Variants in SBSN observed in about 807,000 individuals in gnomAD.
SBSN encodes the protein suprabasin.
In SBSN, 33 loss-of-function variants were observed where a neutral mutation model predicts 42.8. The ratio of observed to expected loss-of-function variants is 0.77; its 90% CI spans 0.58 to 1.03. SBSN has a LOEUF of 1.03. SBSN is among the 50% of genes least tolerant of loss of function. SBSN has a pLI of 0.00. For missense variants in SBSN, 646 were observed against 757.3 expected (o/e 0.85, Z 1.72); for synonymous variants, 276 against 307.0 (o/e 0.90, Z 1.06).
At chr19:35,524,175 G>C (rs192598140) in intron 3 of SBSN, among the ~76,000 whole-genome samples, 7 of 152,186 alleles carry the variant, frequency 4.6e-5, no homozygotes, top group African/African-American at 1.7e-4. Flanking sequence ...GTGAGACTCC[G>C]TCTCAATAAA....
chr19:35,523,905 A>G (rs2071339746), intron 3 of SBSN, among the ~76,000 whole-genome samples: 1 of 152,212 alleles, frequency 6.6e-6, no homozygotes, highest in Non-Finnish European at 1.5e-5. Context: ...GGCTGGGTGC[A>G]GTGGCTTACG....
At chr19:35,526,614 T>A in intron 1 of SBSN, 30 bp downstream of exon 1, 1 of 418,514 alleles carries the variant, frequency 2.4e-6, no homozygotes, top group Non-Finnish European at 4.5e-6. Flanking sequence ...AACCCCCCTG[T>A]CCCCCATCTC....
rs751008648 is a variant in SBSN, at chr19:35,526,605, A to ACC, written c.1638+37_1638+38dup. ...AGGGGTTTAACCTTTCCCTCCCCCAACCCCCCTGTCCCCCATCTCCCCATC... is the reference window on the plus strand; with the variant it reads ...AGGGGTTTAACCTTTCCCTCCCCCAACCCCCCCCTGTCCCCCATCTCCCCATC... On this transcript the variant is annotated intron_variant, in intron 1 of 3. Coordinates refer to ENST00000452271, the MANE Select transcript of SBSN (RefSeq NM_001166034.2). 6.8e-5 allele frequency: 29 copies of ACC among 427,088 alleles called. 1 individual carries two copies. The highest frequency in any genetic ancestry group is 3.1e-4 in the South Asian group (11 of 35,598). 26.5% of individuals were successfully genotyped at this position (427,088 alleles called of 1,614,324 possible). A position where few individuals can be genotyped will look rare whatever the true frequency, so the allele number is the denominator to read the frequency against.
At position 35,527,760 on chromosome 19, in the gene SBSN, G is replaced by A. The variant is rs771055020; in HGVS notation, c.522C>T (p.Val174=). 1.3e-6 allele frequency: 2 copies of A among 1,584,106 alleles called. No individual in the cohort carries two copies. The highest frequency in any genetic ancestry group is 2.2e-5 in the South Asian group (2 of 89,652). Residue 174 remains valine, a synonymous_variant, in exon 1 of 4, where the codon GTC becomes GTT. Transcript: ENST00000452271. ...TTCCGGCCTGCCCTGCAGCATGGTG[G>A]ACTCCCTGGCCAAACCTCCCAGCCT... ...GNEAGRFGQG[V]HHAAGQAGNE...
chr19:35,527,746 C>G lies in SBSN; in HGVS notation c.536G>C (p.Gly179Ala), dbSNP rs146976554. ...CCTCCCAGCCTCATTTCCGGCCTGCCCTGCAGCATGGTGGACTCCCTGGCC... is the reference window on the plus strand; with the variant it reads ...CCTCCCAGCCTCATTTCCGGCCTGCGCTGCAGCATGGTGGACTCCCTGGCC... ...RFGQGVHHAA[G>A]QAGNEAGRFG... The change falls in exon 1 of 4, where the codon GGG becomes GCG. Residue 179 changes from glycine (G) to alanine (A), a missense_variant. This residue lies in a region of SBSN where 220 missense variants were observed against 334.5 expected (regional missense o/e 0.66). Transcript: ENST00000452271. The G allele has an allele frequency of 7.4e-3, 11,397 of 1,539,406 alleles. 168 individuals carry two copies. The highest frequency in any genetic ancestry group is 0.013 in the Middle Eastern group (75 of 5,964).
Position 35,527,999 on chromosome 19 carries a change from C to CT in SBSN, c.282_283insA (p.Asp95ArgfsTer6), listed in dbSNP as rs749969332. The CT allele has an allele frequency of 1.9e-6, 3 of 1,613,922 alleles. No homozygotes were observed. The highest frequency in any genetic ancestry group is 2.5e-6 in the Non-Finnish European group (3 of 1,180,036). On this transcript the variant is annotated frameshift_variant, in exon 1 of 4. Transcript: ENST00000452271. LOFTEE classifies it high-confidence loss of function. ...TGGTTGATCTCATGGGCAACCTTGT[C>CT]CATGCCGTGGTTGAGCCCCTGGACG...
chr19:35,528,030 G>T lies in SBSN; in HGVS notation c.252C>A (p.Asp84Glu). Residue 84 changes from aspartate (D) to glutamate (E), a missense_variant, in exon 1 of 4, where the codon GAC becomes GAA. Around this residue, in one of 3 missense-constraint regions of SBSN, gnomAD observed 190 missense variants for 197.1 expected, o/e 0.96. Transcript: ENST00000452271. ...CGTGGTTGAGCCCCTGGACGCCTTTGTCCAACTCCTTGCCGGTGTGGCTCC... is the reference window on the plus strand; with the variant it reads ...CGTGGTTGAGCCCCTGGACGCCTTTTTCCAACTCCTTGCCGGTGTGGCTCC... ...NMGSHTGKEL[D>E]KGVQGLNHGM... 1 of 1,613,766 alleles carries T rather than the reference G, an allele frequency of 6.2e-7. No individual in the cohort carries two copies. The highest frequency in any genetic ancestry group is 1.1e-5 in the South Asian group (1 of 91,076).
Position 35,526,678 on chromosome 19 carries a change from T to C in SBSN, c.1604A>G (p.Asn535Ser). 2.1e-6 allele frequency: 3 copies of C among 1,451,642 alleles called. No individual in the cohort carries two copies. Among genetic ancestry groups the C allele is most frequent in the Non-Finnish European group, 1.9e-6 (2 of 1,080,128 alleles). The allele number at this position is 1,451,642 out of a possible 1,614,324, so 89.9% of individuals were successfully genotyped here. The change falls in exon 1 of 4, where the codon AAC becomes AGC. Residue 535 changes from asparagine (N) to serine (S), a missense_variant. Asn to Ser is a conservative substitution (Grantham distance 46, BLOSUM62 1). Transcript: ENST00000452271. ...KELQNAHNGV[N>S]QASKEANQLL... Reference sequence around the variant, plus strand: ...CTGGTTGGCCTCCTTGCTGGCTTGGTTGACCCCATTATGAGCATTCTGCAG... The same window carrying C: ...CTGGTTGGCCTCCTTGCTGGCTTGGCTGACCCCATTATGAGCATTCTGCAG...
chr19:35,528,246 G>A lies in SBSN; in HGVS notation c.36C>T (p.Leu12=), dbSNP rs527466841. The A allele has an allele frequency of 1.4e-5, 22 of 1,613,370 alleles. No homozygotes were observed. In the Admixed American group the frequency reaches 2.7e-4, roughly 20 times the overall value. Residue 12 remains leucine (L), a synonymous_variant, in exon 1 of 4, where the codon CTC becomes CTT. Transcript: ENST00000452271. ...CAGACAGGGCCCCCAGTAGCAGAAG[G>A]AGGGAGCAGGAGCCGACCAGACGTG... The part of the protein sequence containing the change: ...HLARLVGSCS[L]LLLLGALSGW...
Position 35,527,879 on chromosome 19 carries a change from G to C in SBSN, c.403C>G (p.His135Asp), listed in dbSNP as rs377671155. ...TTGGCCCCGTGATGGACCCCATGATGGATCAGTTTGTCTGCCTCCTTCCCA... is the reference window on the plus strand; with the variant it reads ...TTGGCCCCGTGATGGACCCCATGATCGATCAGTTTGTCTGCCTCCTTCCCA... ...QVGKEADKLI[H>D]HGVHHGANQA... Residue 135 changes from histidine (H) to aspartate (D), a missense_variant, in exon 1 of 4, where the codon CAT (histidine) becomes GAT (aspartate). His to Asp is a moderately conservative substitution (Grantham distance 81). Transcript: ENST00000452271. The C allele has an allele frequency of 2.5e-5, 41 of 1,613,942 alleles. No individual in the cohort carries two copies. Among genetic ancestry groups the C allele is most frequent in the Non-Finnish European group, 3.3e-5 (39 of 1,180,042 alleles).
intron 1 of SBSN, among the ~76,000 whole-genome samples, chr19:35,525,970 C>T (rs1178744777): frequency 6.6e-6 from 1 of 152,190 alleles, no homozygotes; most frequent in African/African-American, 2.4e-5. Flanking sequence ...AGGCATGAGC[C>T]ACTGAACCTG....
At chr19:35,524,109 G>A (rs1224235980) in intron 3 of SBSN, among the ~76,000 whole-genome samples, 1 of 152,244 alleles carries the variant, frequency 6.6e-6, no homozygotes, top group Non-Finnish European at 1.5e-5. Flanking sequence ...GAACCCAGAA[G>A]ACGGAGGTTG....
Position 35,524,872 on chromosome 19 carries a change from G to A in SBSN, c.1691C>T (p.Pro564Leu), listed in dbSNP as rs199891331. 63 of 1,614,086 alleles carry A rather than the reference G, an allele frequency of 3.9e-5. No homozygotes were observed. The highest frequency in any genetic ancestry group is 1.7e-4 in the Admixed American group (10 of 60,022). Residue 564 changes from proline to leucine, a missense_variant, in exon 2 of 4, where the codon CCG (proline) becomes CTG (leucine). Around this residue, in one of 3 missense-constraint regions of SBSN, gnomAD observed 236 missense variants for 225.6 expected, o/e 1.05. Transcript: ENST00000452271. Reference protein sequence around the residue: ...SSHQGGATTTPLASGASVNTP... With the variant: ...SSHQGGATTTLLASGASVNTP... Reference sequence around the variant, plus strand: ...GTCCGCGCTTACCCCAGAGGCTAACGGCGTGGTTGTGGCCCCTCCTTGATG... The same window carrying A: ...GTCCGCGCTTACCCCAGAGGCTAACAGCGTGGTTGTGGCCCCTCCTTGATG...
rs751861810 is a variant in SBSN, at chr19:35,527,787, A to G, written c.495T>C (p.Asn165=). 6.3e-7 allele frequency: 1 copy of G among 1,591,282 alleles called. No individual in the cohort carries two copies. The highest frequency in any genetic ancestry group is 1.7e-5 in the Admixed American group (1 of 59,202). Residue 165 remains asparagine, a synonymous_variant, in exon 1 of 4, where the codon AAT becomes AAC. Transcript: ENST00000452271. ...CTCCCTGGCCAAACCTCCCAGCCTC[A>G]TTTCCAGCCTGCCCTGCAGCATTGT... ...GVDNAAGQAG[N]EAGRFGQGVH... is the part of the protein sequence containing the mutation.
At chr19:35,523,600 GC>G in intron 3 of SBSN, 67 bp from the exon 4 acceptor site, 1 of 1,523,566 alleles carries the variant, frequency 6.6e-7, no homozygotes, top group South Asian at 1.1e-5. Context: ...CGAGACCTCA[GC>G]CCCGCCCCTC....
chr19:35,526,567 C>G, intron 1 of SBSN, 77 bp downstream of exon 1: 26 of 944,946 alleles, frequency 2.8e-5, no homozygotes, highest in Non-Finnish European at 3.0e-5. Flanking sequence ...CCCCCCGCCC[C>G]GCCAAATGTC....
At chr19:35,525,436 C>A (rs1264463228) in intron 1 of SBSN, among the ~76,000 whole-genome samples, 3 of 152,118 alleles carry the variant, frequency 2.0e-5, no homozygotes, top group African/African-American at 2.4e-5. Context: ...GCCGTGCCCG[C>A]TCCTCTGCTG....
chr19:35,526,937 G>A lies in SBSN; in HGVS notation c.1345C>T (p.His449Tyr). Residue 449 changes from histidine to tyrosine, a missense_variant, in exon 1 of 4, where the codon CAC becomes TAC. By Grantham distance (83) the His-to-Tyr change is moderately conservative. Transcript: ENST00000452271. ...IAVHGVQPGVHEAGKEAGQFG... is the reference protein window; with the variant it reads ...IAVHGVQPGVYEAGKEAGQFG... ...TGCCCTGCCTCCTTCCCGGCCTCGT[G>A]GACCCCAGGTTGGACACCATGAACT... The A allele has an allele frequency of 1.3e-6, 2 of 1,564,248 alleles. No individual in the cohort carries two copies. Among genetic ancestry groups the A allele is most frequent in the Non-Finnish European group, 1.7e-6 (2 of 1,157,896 alleles).
In SBSN at chr19:35,527,931, A is replaced by G. The variant is rs925636913; in HGVS notation, c.351T>C (p.His117=). The part of the protein sequence containing the change: ...QAGKEAEKLG[H]GVNNAAGQVG... ...CCTGTCCAGCAGCGTTGTTGACCCC[A>G]TGGCCAAGCTTCTCTGCTTCCTTTC... The change falls in exon 1 of 4, where the codon CAT becomes CAC. Residue 117 remains histidine (H), a synonymous_variant. Transcript: ENST00000452271. The G allele has an allele frequency of 9.9e-6, 16 of 1,613,868 alleles. No homozygotes were observed. The Middle Eastern group carries it at 9.9e-4, about 100-fold the overall frequency.
Sources: gnomAD v4.1 joint callset for allele counts (sites outside exome capture counted in the v4.1 genomes callset) on GRCh38, gnomAD v4.1.1 for gene constraint, gnomAD v4.1.1 regional missense constraint, MANE v1.5 for transcripts, NCBI Gene and HGNC (gene_info 2026-07-23, HGNC 2026-07-21) for gene names.